Variants in HS6ST3 observed in about 807,000 individuals in gnomAD.
The protein encoded by HS6ST3 is heparan-sulfate 6-O-sulfotransferase 3.
HS6ST3 carries 12 observed loss-of-function variants against 36.7 expected under a neutral mutation model. That is an observed-to-expected ratio of 0.33 (90% CI 0.21 to 0.53). The LOEUF is 0.53. Ranked by LOEUF, HS6ST3 falls within the 20% of genes least tolerant of loss-of-function variation. HS6ST3 has a pLI of 0.95. For synonymous variants in HS6ST3, 240 were observed against 257.5 expected (o/e 0.93, Z 0.65); for missense variants, 584 against 640.9 (o/e 0.91, Z 0.96).
intron 1 of HS6ST3, among the ~76,000 whole-genome samples, chr13:96,631,461 C>T (rs1409952267): frequency 6.6e-6 from 1 of 152,088 alleles, no homozygotes; most frequent in African/African-American, 2.4e-5. Flanking sequence ...TGACTTTGTC[C>T]AATAGCTTTC....
intron 1 of HS6ST3, among the ~76,000 whole-genome samples, chr13:96,382,121 T>G (rs1016187660): frequency 2.2e-4 from 34 of 152,112 alleles, no homozygotes; most frequent in Admixed American, 3.3e-4. Flanking sequence ...GGAGCTGCGT[T>G]TGGTCCCTGT....
At chr13:96,125,786 TA>T (rs201287451) in intron 1 of HS6ST3, among the ~76,000 whole-genome samples, 1,854 of 152,010 alleles carry the variant, frequency 0.012, 30 homozygotes, top group African/African-American at 0.04. Flanking sequence ...TTTATTTTTT[TA>T]TTATTATTAT....
intron 1 of HS6ST3, among the ~76,000 whole-genome samples, chr13:96,676,130 G>A (rs1009913805): frequency 6.6e-6 from 1 of 152,138 alleles, no homozygotes; most frequent in Non-Finnish European, 1.5e-5. Flanking sequence ...CAGACCAGGT[G>A]GCTTAAGCAA....
intron 1 of HS6ST3, among the ~76,000 whole-genome samples, chr13:96,203,625 T>C (rs553121152): frequency 6.6e-6 from 1 of 152,352 alleles, no homozygotes; most frequent in African/African-American, 2.4e-5. Flanking sequence ...CCCTTCTTAC[T>C]TGGACTCCTT....
At chr13:96,195,150 C>T (rs554981720) in intron 1 of HS6ST3, among the ~76,000 whole-genome samples, 147 of 152,128 alleles carry the variant, frequency 9.7e-4, no homozygotes, top group Non-Finnish European at 1.8e-3. Context: ...CAAGGATTTT[C>T]TTTTTTAAAA....
At chr13:96,601,057 T>G (rs72642793) in intron 1 of HS6ST3, among the ~76,000 whole-genome samples, 1,634 of 152,290 alleles carry the variant, frequency 0.011, 21 homozygotes, top group African/African-American at 0.025. Context: ...AGGTTTTTCC[T>G]ATAAGTTATC....
At chr13:96,188,075 T>C (rs1387732409) in intron 1 of HS6ST3, among the ~76,000 whole-genome samples, 1 of 152,192 alleles carries the variant, frequency 6.6e-6, no homozygotes, top group Non-Finnish European at 1.5e-5. Flanking sequence ...TGTGTTCCTC[T>C]TCCCCCTATA....
intron 1 of HS6ST3, among the ~76,000 whole-genome samples, chr13:96,576,944 A>C (rs1007085072): frequency 3.9e-4 from 30 of 76,612 alleles, no homozygotes; most frequent in Middle Eastern, 6.8e-3. Context: ...ACTCTGTCTC[A>C]AAAAAAAAAA....
intron 1 of HS6ST3, among the ~76,000 whole-genome samples, chr13:96,408,274 C>G (rs1160644914): frequency 1.3e-5 from 2 of 151,988 alleles, no homozygotes; most frequent in Non-Finnish European, 2.9e-5. Flanking sequence ...AAAGTATGAT[C>G]AATTCCCCTC....
chr13:96,257,403 G>A (rs2054642368), intron 1 of HS6ST3, among the ~76,000 whole-genome samples: 1 of 152,090 alleles, frequency 6.6e-6, no homozygotes, highest in Admixed American at 6.6e-5. Context: ...TCCTATCCAA[G>A]GTTGTTATAG....
intron 1 of HS6ST3, among the ~76,000 whole-genome samples, chr13:96,105,630 A>G (rs2053838155): frequency 1.3e-5 from 2 of 152,206 alleles, no homozygotes; most frequent in African/African-American, 4.8e-5. Context: ...AGCCTGGGTG[A>G]CAGAGTGAAT....
rs556113717 is a variant in HS6ST3 at position 96,726,233 on chromosome 13, A to G, written c.708-106257A>G. ...TTTAGATCTATAGCATTTCCATATG[A>G]ATTTTAGAACATCTTTACAACTTCT... On this transcript the variant is annotated intron_variant, in intron 1 of 1. Coordinates refer to ENST00000376705, the MANE Select transcript of HS6ST3 (RefSeq NM_153456.4). Among the ~76,000 whole-genome samples, 12 of 152,288 alleles carry G rather than the reference A, an allele frequency of 7.9e-5. No individual in the cohort carries two copies. The South Asian group carries it at 2.3e-3, about 29-fold the overall frequency.
chr13:96,347,008 T>C (rs2055158652), intron 1 of HS6ST3, among the ~76,000 whole-genome samples: 1 of 152,028 alleles, frequency 6.6e-6, no homozygotes, highest in Admixed American at 6.5e-5. Flanking sequence ...CAACAGCCAG[T>C]GAGAAGCCGA....
chr13:96,246,972 TA>T (rs1193350330), intron 1 of HS6ST3, among the ~76,000 whole-genome samples: 4 of 151,822 alleles, frequency 2.6e-5, no homozygotes, highest in African/African-American at 7.3e-5. Context: ...TGCATTAAAT[TA>T]AAAAAAATAG....
At chr13:96,313,130 C>G (rs1195052262) in intron 1 of HS6ST3, among the ~76,000 whole-genome samples, 1 of 151,670 alleles carries the variant, frequency 6.6e-6, no homozygotes, top group Admixed American at 6.6e-5. Flanking sequence ...AGACTATTTC[C>G]ATCTAGGTTA....
chr13:96,700,173 A>G (rs545181694), intron 1 of HS6ST3, among the ~76,000 whole-genome samples: 1 of 152,334 alleles, frequency 6.6e-6, no homozygotes, highest in Admixed American at 6.5e-5. Flanking sequence ...AAAGAGATTT[A>G]ATAGACTCAC....
At chr13:96,764,488 G>A (rs1877047249) in intron 1 of HS6ST3, among the ~76,000 whole-genome samples, 2 of 152,182 alleles carry the variant, frequency 1.3e-5, no homozygotes, top group Non-Finnish European at 2.9e-5. Context: ...TGCTAACATA[G>A]CGATAAAAAT....
chr13:96,317,480 A>G (rs2054981674), intron 1 of HS6ST3, among the ~76,000 whole-genome samples: 1 of 149,762 alleles, frequency 6.7e-6, no homozygotes, highest in Non-Finnish European at 1.5e-5. Context: ...GGGCACTTAG[A>G]TCTTCCATGT....
At chr13:96,796,167 T>C (rs1372036354) in intron 1 of HS6ST3, among the ~76,000 whole-genome samples, 1 of 152,106 alleles carries the variant, frequency 6.6e-6, no homozygotes, top group Non-Finnish European at 1.5e-5. Context: ...TTTGTCTAAA[T>C]CAATCACTGA....
Sources: gnomAD v4.1 joint callset for allele counts (sites outside exome capture counted in the v4.1 genomes callset) on GRCh38, gnomAD v4.1.1 for gene constraint, MANE v1.5 for transcripts, NCBI Gene and HGNC (gene_info 2026-07-23, HGNC 2026-07-21) for gene names.